CLSTN2: variants seen among roughly 807,000 people sequenced by gnomAD.
CLSTN2 encodes the protein calsyntenin-2.
Under a neutral mutation model 101.2 loss-of-function variants are expected in CLSTN2, and 48 were observed. The ratio of observed to expected loss-of-function variants is 0.47; its 90% confidence interval spans 0.38 to 0.60. The LOEUF (loss-of-function observed/expected upper bound fraction) is 0.60. CLSTN2 is among the 20% of genes least tolerant of loss of function. The pLI is 0.00. For synonymous variants in CLSTN2, 481 were observed against 463.6 expected (o/e 1.04, Z -0.48); for missense variants, 1,160 against 1,238.2 (o/e 0.94, Z 0.95).
At chr3:140,443,542 G>A (rs1484849527) in intron 5 of CLSTN2, among the ~76,000 whole-genome samples, 3 of 152,174 alleles carry the variant, frequency 2.0e-5, no homozygotes, top group African/African-American at 7.2e-5. Context: ...GCTTTTTCAG[G>A]AATACTTACA....
intron 1 of CLSTN2, among the ~76,000 whole-genome samples, chr3:140,133,703 A>G (rs1007676619): frequency 1.3e-5 from 2 of 152,190 alleles, no homozygotes; most frequent in Admixed American, 6.5e-5. Flanking sequence ...CGCATTACAT[A>G]GTACTGGAAT....
intron 2 of CLSTN2, among the ~76,000 whole-genome samples, chr3:140,213,927 G>T (rs1224678947): frequency 2.6e-5 from 4 of 152,058 alleles, no homozygotes; most frequent in African/African-American, 4.8e-5. Flanking sequence ...GAGAGCAGAG[G>T]GAGCTTACAG....
chr3:140,110,291 A>T (rs2009132391), intron 1 of CLSTN2, among the ~76,000 whole-genome samples: 1 of 152,044 alleles, frequency 6.6e-6, no homozygotes, highest in African/African-American at 2.4e-5. Flanking sequence ...AGAGCTACCT[A>T]CTCCCTGATT....
intron 2 of CLSTN2, among the ~76,000 whole-genome samples, chr3:140,201,793 C>A (rs367912820): frequency 4.0e-5 from 6 of 151,290 alleles, no homozygotes; most frequent in African/African-American, 2.4e-5. Context: ...ATTATATGCA[C>A]GCACACACAC....
At chr3:140,300,473 CAG>C (rs1362399638) in intron 2 of CLSTN2, among the ~76,000 whole-genome samples, 1 of 152,146 alleles carries the variant, frequency 6.6e-6, no homozygotes, top group African/African-American at 2.4e-5. Flanking sequence ...AGCCCTGCCT[CAG>C]AGAGTTGGCA....
intron 4 of CLSTN2, among the ~76,000 whole-genome samples, chr3:140,405,542 TA>T (rs1559860478): frequency 1.5e-5 from 2 of 134,218 alleles, no homozygotes; most frequent in East Asian, 4.0e-4. Flanking sequence ...CAGGACTTTA[TA>T]AAGTTCTTGC....
At chr3:140,135,113 CACACATATATATAT>C (rs1306340815) in intron 1 of CLSTN2, among the ~76,000 whole-genome samples, 37 of 52,076 alleles carry the variant, frequency 7.1e-4, no homozygotes, top group Non-Finnish European at 1.0e-3. Flanking sequence ...CACACACACA[CACACATATATATAT>C]ATATATATAT....
At chr3:140,269,677 G>GA (rs1374096081) in intron 2 of CLSTN2, among the ~76,000 whole-genome samples, 3 of 152,160 alleles carry the variant, frequency 2.0e-5, no homozygotes, top group Non-Finnish European at 2.9e-5. Context: ...ACCGATGGGG[G>GA]ACCACATTAT....
chr3:140,508,404 G>T (rs143627657), intron 8 of CLSTN2: 5 of 152,234 alleles, frequency 3.3e-5, no homozygotes, highest in East Asian at 1.9e-4. Context: ...CATTCATTCA[G>T]TCAGTCAGTT....
At chr3:140,396,311 T>G (rs2088181633) in intron 2 of CLSTN2, among the ~76,000 whole-genome samples, 1 of 152,172 alleles carries the variant, frequency 6.6e-6, no homozygotes, top group African/African-American at 2.4e-5. Flanking sequence ...GGCTGATAGG[T>G]GCAAGGTGCT....
At chr3:139,946,107 G>A (rs540851132) in intron 1 of CLSTN2, among the ~76,000 whole-genome samples, 2 of 152,318 alleles carry the variant, frequency 1.3e-5, no homozygotes, top group South Asian at 4.1e-4. Flanking sequence ...TTGGAAGGGA[G>A]GAGAAATGAA....
intron 1 of CLSTN2, among the ~76,000 whole-genome samples, chr3:140,144,055 G>C (rs758271334): frequency 6.6e-6 from 1 of 152,224 alleles, no homozygotes; most frequent in Non-Finnish European, 1.5e-5. Context: ...TGAGGTTTGT[G>C]AGAGAGATGC....
chr3:140,002,894 G>A (rs997775356), intron 1 of CLSTN2, among the ~76,000 whole-genome samples: 1 of 152,024 alleles, frequency 6.6e-6, no homozygotes, highest in Non-Finnish European at 1.5e-5. Flanking sequence ...TTTGTTTCTG[G>A]GTTCTCTATT....
intron 2 of CLSTN2, among the ~76,000 whole-genome samples, chr3:140,397,126 GA>G (rs201950680): frequency 3.4e-5 from 5 of 148,088 alleles, no homozygotes; most frequent in Admixed American, 6.7e-5. Context: ...TATATTTTTG[GA>G]AAAAAAAACA....
chr3:140,030,060 T>C (rs569754610), intron 1 of CLSTN2, among the ~76,000 whole-genome samples: 1 of 152,320 alleles, frequency 6.6e-6, no homozygotes, highest in Non-Finnish European at 1.5e-5. Context: ...CGTTGCCAAA[T>C]ACTGCATTTG....
At chr3:140,155,555 A>G (rs930792841) in intron 1 of CLSTN2, among the ~76,000 whole-genome samples, 1 of 152,220 alleles carries the variant, frequency 6.6e-6, no homozygotes, top group African/African-American at 2.4e-5. Flanking sequence ...TATTTAAGAA[A>G]AGAGCAGGTT....
At chr3:140,492,912 A>T (rs1315591075) in intron 8 of CLSTN2, among the ~76,000 whole-genome samples, 1 of 152,198 alleles carries the variant, frequency 6.6e-6, no homozygotes, top group Non-Finnish European at 1.5e-5. Flanking sequence ...GACTCCCACC[A>T]TATAAAGGAA....
At chr3:139,986,286 A>G (rs1158927110) in intron 1 of CLSTN2, among the ~76,000 whole-genome samples, 1 of 152,196 alleles carries the variant, frequency 6.6e-6, no homozygotes, top group Non-Finnish European at 1.5e-5. Context: ...CATTACCATA[A>G]TTATTAATAA....
chr3:140,077,780 G>T (rs2008517037), intron 1 of CLSTN2, among the ~76,000 whole-genome samples: 1 of 151,978 alleles, frequency 6.6e-6, no homozygotes, highest in Admixed American at 6.6e-5. Context: ...TTCCTCTGTT[G>T]TCCTTTCATC....
Sources: allele counts gnomAD v4.1 joint callset (sites outside exome capture counted in the v4.1 genomes callset), GRCh38; gene constraint gnomAD v4.1.1; transcripts MANE v1.5; gene names NCBI Gene and HGNC (gene_info 2026-07-23, HGNC 2026-07-21).